SLC8A1: variants seen among roughly 807,000 people sequenced by gnomAD.
The protein encoded by SLC8A1 is solute carrier family 8 member A1.
Under a neutral mutation model 68.3 loss-of-function variants are expected in SLC8A1, and 18 were observed. The observed-to-expected ratio is 0.26, with a 90% CI of 0.18 to 0.39. SLC8A1 has a LOEUF of 0.39. Among genes scored for constraint, SLC8A1 ranks in the 10% least tolerant of loss-of-function variants. The probability of loss-of-function intolerance (pLI) is 1.00; values close to 1 mark genes in which losing one functional copy is unlikely to be tolerated. For synonymous variants in SLC8A1, 475 were observed against 415.5 expected (o/e 1.14, Z -1.74); for missense variants, 985 against 1,156.7 (o/e 0.85, Z 2.15).
intron 5 of SLC8A1, among the ~76,000 whole-genome samples, chr2:40,163,696 C>T (rs1351147285): frequency 6.6e-6 from 1 of 152,182 alleles, no homozygotes; most frequent in Non-Finnish European, 1.5e-5. Flanking sequence ...GGACCCCCTC[C>T]TCCTATGGAA....
At chr2:40,130,910 A>G (rs2039191106) in intron 7 of SLC8A1, among the ~76,000 whole-genome samples, 1 of 152,336 alleles carries the variant, frequency 6.6e-6, no homozygotes, top group South Asian at 2.1e-4. Flanking sequence ...AATTCCTACC[A>G]TAGGGAAAAA....
intron 2 of SLC8A1, among the ~76,000 whole-genome samples, chr2:40,367,022 G>C (rs547387147): frequency 2.0e-4 from 30 of 151,972 alleles, no homozygotes; most frequent in Non-Finnish European, 4.1e-4. Context: ...TTAAAGTTTT[G>C]AGGGTGTGGT....
intron 1 of SLC8A1, among the ~76,000 whole-genome samples, chr2:40,449,413 G>A (rs1702035741): frequency 6.6e-6 from 1 of 152,152 alleles, no homozygotes; most frequent in Non-Finnish European, 1.5e-5. Context: ...GCAAAAGCAT[G>A]TTAAACATAG....
intron 2 of SLC8A1, among the ~76,000 whole-genome samples, chr2:40,369,935 G>GT (rs1231801919): frequency 6.6e-6 from 1 of 151,952 alleles, no homozygotes; most frequent in Non-Finnish European, 1.5e-5. Context: ...TTTATTCTTT[G>GT]TTTTTAATAT....
At chr2:40,170,220 T>C (rs2047223721) in intron 4 of SLC8A1, 61 bp downstream of exon 7, 2 of 1,433,882 alleles carry the variant, frequency 1.4e-6, no homozygotes, top group South Asian at 2.3e-5. Context: ...GACTGTAATG[T>C]CTCTAACATT....
rs190677022 is a variant in SLC8A1, at chr2:40,223,110, C to T, written c.1809-45255G>A. Among the ~76,000 whole-genome samples the T allele has an allele frequency of 2.5e-3, 384 of 152,176 alleles. 1 individual carries two copies. The highest frequency in any genetic ancestry group is 8.4e-3 in the African/African-American group (349 of 41,526). On this transcript the variant is annotated intron_variant, in intron 2 of 7. Transcript: ENST00000406785. ...AGTATTCACAACAGCAGAGTTGGAA[C>T]GAACCCAAATGCCCATCAATGATAG...
At chr2:40,181,317 A>G (rs183336838) in intron 2 of SLC8A1, among the ~76,000 whole-genome samples, 47 of 152,334 alleles carry the variant, frequency 3.1e-4, no homozygotes, top group African/African-American at 1.1e-3. Flanking sequence ...ATAGCTCCAC[A>G]CAATTTGTTT....
chr2:40,265,569 A>G (rs1469021532), intron 2 of SLC8A1, among the ~76,000 whole-genome samples: 1 of 152,190 alleles, frequency 6.6e-6, no homozygotes, highest in Non-Finnish European at 1.5e-5. Flanking sequence ...TTTATTTCCC[A>G]TAGGTTCATG....
Position 40,139,384 on chromosome 2 carries a change from A to G in SLC8A1, c.2437+17T>C, listed in dbSNP as rs2041138724. 2 of 1,613,166 alleles carry G rather than the reference A, an allele frequency of 1.2e-6. No homozygotes were observed. Among genetic ancestry groups the G allele is most frequent in the Non-Finnish European group, 1.7e-6 (2 of 1,179,268 alleles). ...ACTTCTGCTACTGGGGGAATTATAC[A>G]TGAATGTAATTTGTACCTGGCACTG... On this transcript the variant is annotated intron_variant, in intron 7 of 7. Transcript: ENST00000406785.
chr2:40,273,163 G>A (rs988326215), intron 2 of SLC8A1, among the ~76,000 whole-genome samples: 1 of 151,536 alleles, frequency 6.6e-6, no homozygotes, highest in African/African-American at 2.4e-5. Context: ...GGCTGGTCTC[G>A]AACTCCTGAC....
intron 1 of SLC8A1, among the ~76,000 whole-genome samples, chr2:40,436,571 T>C (rs1411990004): frequency 6.6e-6 from 1 of 152,132 alleles, no homozygotes; most frequent in East Asian, 1.9e-4. Flanking sequence ...CCTGGCTTGC[T>C]TATTTTATAT....
intron 2 of SLC8A1, among the ~76,000 whole-genome samples, chr2:40,243,294 G>A (rs1038119439): frequency 1.3e-5 from 2 of 152,062 alleles, no homozygotes; most frequent in African/African-American, 4.8e-5. Flanking sequence ...ACCAGCCTGG[G>A]CAACATGATA....
intron 2 of SLC8A1, among the ~76,000 whole-genome samples, chr2:40,375,638 AGGATTTCAGATG>A: frequency 6.6e-6 from 1 of 152,126 alleles, no homozygotes. Context: ...AAAGATATTA[AGGATTTCAGATG>A]AGTTAAGACC....
At chr2:40,473,117 G>T (rs539461969) in intron 1 of SLC8A1, among the ~76,000 whole-genome samples, 5 of 152,120 alleles carry the variant, frequency 3.3e-5, no homozygotes. Flanking sequence ...CGAGTATAGT[G>T]TTCCCTGGCT....
At chr2:40,296,889 G>T (rs2070495325) in intron 2 of SLC8A1, among the ~76,000 whole-genome samples, 1 of 152,120 alleles carries the variant, frequency 6.6e-6, no homozygotes, top group African/African-American at 2.4e-5. Flanking sequence ...CCTAGCCAAG[G>T]ACTGTTCTAT....
At chr2:40,185,506 T>C (rs7563290) in intron 2 of SLC8A1, among the ~76,000 whole-genome samples, 19,288 of 152,168 alleles carry the variant, frequency 0.13, 1,336 homozygotes, top group African/African-American at 0.16. Flanking sequence ...CTACATGTTG[T>C]GTGATTACAT....
chr2:40,394,376 G>C (rs1686255483), intron 2 of SLC8A1, among the ~76,000 whole-genome samples: 2 of 151,886 alleles, frequency 1.3e-5, no homozygotes, highest in African/African-American at 4.8e-5. Context: ...GGATTCATCA[G>C]GGCACTGAAA....
chr2:40,117,931 C>T (rs1319619603), intron 7 of SLC8A1, among the ~76,000 whole-genome samples: 4 of 152,320 alleles, frequency 2.6e-5, no homozygotes, highest in Admixed American at 2.0e-4. Context: ...GCTACTGCAT[C>T]TGCAGTATGA....
intron 2 of SLC8A1, among the ~76,000 whole-genome samples, chr2:40,280,894 T>C (rs1277852739): frequency 6.6e-6 from 1 of 152,200 alleles, no homozygotes; most frequent in East Asian, 1.9e-4. Context: ...TTCTCTCAAA[T>C]AGAATTAATC....
Sources: allele counts gnomAD v4.1 joint callset (sites outside exome capture counted in the v4.1 genomes callset), GRCh38; gene constraint gnomAD v4.1.1; transcripts MANE v1.5; gene names NCBI Gene and HGNC (gene_info 2026-07-23, HGNC 2026-07-21).